The following ERC2 variants were observed in gnomAD, a reference collection of about 807,000 sequenced individuals.
ERC2 encodes the protein ELKS/RAB6-interacting/CAST family member 2.
A neutral mutation model predicts 114.8 loss-of-function variants in ERC2; 42 were observed. The observed-to-expected ratio is 0.37, with a 90% CI of 0.29 to 0.47. The LOEUF (loss-of-function observed/expected upper bound fraction) is 0.47, where lower values mean the gene tolerates loss of function less well. Among genes scored for constraint, ERC2 ranks in the 20% least tolerant of loss-of-function variants. The pLI is 0.99. For synonymous variants in ERC2, 454 were observed against 425.5 expected (o/e 1.07, Z -0.82); for missense variants, 939 against 1,150.7 (o/e 0.82, Z 2.66).
intron 2 of ERC2, among the ~76,000 whole-genome samples, chr3:56,317,627 A>AATC (rs1370476749): frequency 6.6e-6 from 1 of 152,218 alleles, no homozygotes; most frequent in Non-Finnish European, 1.5e-5. Flanking sequence ...TTTATATTTC[A>AATC]ATCGTCCACT....
intron 17 of ERC2, among the ~76,000 whole-genome samples, chr3:55,577,414 C>T (rs1559682757): frequency 6.6e-6 from 1 of 152,148 alleles, no homozygotes; most frequent in Non-Finnish European, 1.5e-5. Context: ...ATAAAGTTCC[C>T]TTTATTTGTG....
At chr3:55,932,060 A>G (rs904943809) in intron 13 of ERC2, among the ~76,000 whole-genome samples, 2 of 152,222 alleles carry the variant, frequency 1.3e-5, no homozygotes, top group Non-Finnish European at 2.9e-5. Flanking sequence ...CCATGTTTTC[A>G]TAAGTTCTCA....
At chr3:55,819,792 T>C (rs1461867018) in intron 14 of ERC2, among the ~76,000 whole-genome samples, 1 of 152,234 alleles carries the variant, frequency 6.6e-6, no homozygotes, top group African/African-American at 2.4e-5. Context: ...TCTGCCCCGT[T>C]TGATGTCCAA....
rs1338735243 is a variant in ERC2, at chr3:55,949,343, C to G, written c.2403+1082G>C. On this transcript the variant is annotated intron_variant, in intron 13 of 17. Coordinates refer to ENST00000288221, the MANE Select transcript of ERC2 (RefSeq NM_015576.3). The stretch of plus-strand genomic sequence containing the variant: ...CAAGATCGCGCCACTGCTCTCCAGT[C>G]TGGGCGACAGGGGGAGACTCCATCT... Among the ~76,000 whole-genome samples the G allele has an allele frequency of 2.6e-5, 4 of 151,806 alleles. No homozygotes were observed. The East Asian group carries it at 7.8e-4, about 29-fold the overall frequency.
intron 17 of ERC2, among the ~76,000 whole-genome samples, chr3:55,660,993 T>C (rs1461939078): frequency 6.6e-6 from 1 of 152,184 alleles, no homozygotes; most frequent in Admixed American, 6.5e-5. Context: ...TATTATAACA[T>C]TGGGCCCTTA....
At chr3:56,220,935 A>G (rs147365899) in intron 3 of ERC2, among the ~76,000 whole-genome samples, 1 of 152,338 alleles carries the variant, frequency 6.6e-6, no homozygotes, top group African/African-American at 2.4e-5. Flanking sequence ...AATGTGTATT[A>G]TATCAATGGG....
intron 12 of ERC2, 25 bp downstream of exon 12, chr3:55,985,952 T>C (rs1407395525): frequency 6.5e-7 from 1 of 1,537,906 alleles, no homozygotes; most frequent in Admixed American, 2.0e-5. Flanking sequence ...GAAAGGCAGT[T>C]AGAAGAAAAA....
At chr3:56,445,559 C>T (rs2062521574) in intron 1 of ERC2, among the ~76,000 whole-genome samples, 1 of 152,146 alleles carries the variant, frequency 6.6e-6, no homozygotes, top group Non-Finnish European at 1.5e-5. Context: ...AAAATATCTC[C>T]CCTTACCCAC....
chr3:56,015,664 A>G (rs570727906), intron 8 of ERC2, among the ~76,000 whole-genome samples: 5 of 152,296 alleles, frequency 3.3e-5, no homozygotes, highest in African/African-American at 1.2e-4. Flanking sequence ...TAGTACTGCA[A>G]TGAACATATG....
chr3:56,210,285 T>A (rs889896696), intron 3 of ERC2, among the ~76,000 whole-genome samples: 3 of 152,148 alleles, frequency 2.0e-5, no homozygotes, highest in Non-Finnish European at 4.4e-5. Context: ...GTTGAGCCCA[T>A]CTAATTGAAA....
chr3:56,236,146 T>C (rs978822338), intron 3 of ERC2, among the ~76,000 whole-genome samples: 80 of 152,308 alleles, frequency 5.3e-4, no homozygotes, highest in African/African-American at 1.9e-3. Context: ...ATTTTGCTTA[T>C]AGAAATATTT....
intron 13 of ERC2, among the ~76,000 whole-genome samples, chr3:55,911,455 G>T (rs1421980777): frequency 6.6e-6 from 1 of 152,090 alleles, no homozygotes; most frequent in East Asian, 1.9e-4. Flanking sequence ...GCTGATGGCA[G>T]ACTAAGACTG....
chr3:56,449,885 C>T (rs1479435951), intron 1 of ERC2, among the ~76,000 whole-genome samples: 1 of 152,180 alleles, frequency 6.6e-6, no homozygotes, highest in African/African-American at 2.4e-5. Flanking sequence ...ATAGAATTCT[C>T]CCAGTTCACT....
chr3:55,676,023 C>T (rs1217594683), intron 17 of ERC2, among the ~76,000 whole-genome samples: 20 of 144,768 alleles, frequency 1.4e-4, no homozygotes, highest in African/African-American at 5.2e-4. Flanking sequence ...CAGGTTCAAG[C>T]AATTCTCCTG....
chr3:55,700,645 C>T (rs1495371), intron 15 of ERC2, among the ~76,000 whole-genome samples: 25,053 of 152,018 alleles, frequency 0.16, 3,879 homozygotes, highest in African/African-American at 0.41. Context: ...CTTGCAATGC[C>T]TCCCTAGCCC....
At chr3:56,420,679 A>C (rs2061351950) in intron 2 of ERC2, among the ~76,000 whole-genome samples, 1 of 151,262 alleles carries the variant, frequency 6.6e-6, no homozygotes, top group South Asian at 2.1e-4. Flanking sequence ...AGGTCAGGAG[A>C]TCGAGACCAA....
At chr3:56,274,339 C>T (rs2053853069) in intron 3 of ERC2, among the ~76,000 whole-genome samples, 1 of 152,206 alleles carries the variant, frequency 6.6e-6, no homozygotes, top group Admixed American at 6.5e-5. Context: ...TTGTCCTCCA[C>T]TAAACAAGTT....
chr3:55,906,298 G>A (rs532803841), intron 13 of ERC2, among the ~76,000 whole-genome samples: 7 of 152,100 alleles, frequency 4.6e-5, no homozygotes, highest in African/African-American at 1.4e-4. Flanking sequence ...CGGGCATGGT[G>A]GCAGGCGCCT....
At chr3:56,116,321 C>T (rs1158671414) in intron 6 of ERC2, among the ~76,000 whole-genome samples, 1 of 152,186 alleles carries the variant, frequency 6.6e-6, no homozygotes, top group Non-Finnish European at 1.5e-5. Context: ...TTGTTGGCTG[C>T]CATGAAATTG....
Sources: gnomAD v4.1 joint callset for allele counts (sites outside exome capture counted in the v4.1 genomes callset) on GRCh38, gnomAD v4.1.1 for gene constraint, MANE v1.5 for transcripts, NCBI Gene and HGNC (gene_info 2026-07-23, HGNC 2026-07-21) for gene names.